The following SAMMSON variants were observed in gnomAD, a reference collection of about 807,000 sequenced individuals.
SAMMSON encodes long intergenic non-protein coding RNA 1212.
intron 9 of SAMMSON, among the ~76,000 whole-genome samples, chr3:70,377,066 T>C (rs1703023480): frequency 1.3e-5 from 2 of 152,086 alleles, no homozygotes; most frequent in Admixed American, 1.3e-4. Context: ...TGCCCATCAC[T>C]CAAAACAATA....
intron 4 of SAMMSON, among the ~76,000 whole-genome samples, chr3:70,174,448 A>G (rs1285566805): frequency 6.6e-6 from 1 of 152,016 alleles, no homozygotes; most frequent in African/African-American, 2.4e-5. Flanking sequence ...TAGAATGTGC[A>G]TCATCAAACC....
chr3:70,050,884 G>A (rs990088137), intron 3 of SAMMSON, among the ~76,000 whole-genome samples: 4 of 151,872 alleles, frequency 2.6e-5, no homozygotes, highest in South Asian at 4.2e-4. Context: ...ACCTGTAATC[G>A]CAACACTTTG....
chr3:70,102,926 A>G (rs994554088), intron 4 of SAMMSON, among the ~76,000 whole-genome samples: 5 of 152,190 alleles, frequency 3.3e-5, no homozygotes, highest in African/African-American at 1.2e-4. Flanking sequence ...TGGTGTGATT[A>G]AAGGGAAGCA....
At chr3:70,041,949 A>G (rs1220847750) in intron 3 of SAMMSON, among the ~76,000 whole-genome samples, 2 of 152,196 alleles carry the variant, frequency 1.3e-5, no homozygotes, top group East Asian at 3.9e-4. Flanking sequence ...GAAATAGAGC[A>G]ATCTACAGGT....
intron 4 of SAMMSON, among the ~76,000 whole-genome samples, chr3:70,186,337 C>A (rs142016106): frequency 6.6e-6 from 1 of 151,788 alleles, no homozygotes; most frequent in African/African-American, 2.4e-5. Context: ...TGGCTCACTG[C>A]AGCCTTGATG....
chr3:70,298,657 G>C (rs898145133), intron 7 of SAMMSON, among the ~76,000 whole-genome samples: 1 of 152,094 alleles, frequency 6.6e-6, no homozygotes, highest in Non-Finnish European at 1.5e-5. Flanking sequence ...AACTGAATGA[G>C]TAATAGGTTT....
intron 4 of SAMMSON, among the ~76,000 whole-genome samples, chr3:70,144,204 T>G (rs2067539111): frequency 6.6e-6 from 1 of 152,140 alleles, no homozygotes; most frequent in African/African-American, 2.4e-5. Flanking sequence ...ATGCATTATT[T>G]ATTAATAAGG....
intron 7 of SAMMSON, among the ~76,000 whole-genome samples, chr3:70,341,387 A>AC (rs1407459807): frequency 6.6e-6 from 1 of 151,916 alleles, no homozygotes; most frequent in Non-Finnish European, 1.5e-5. Flanking sequence ...ACCAATCAAA[A>AC]CCCTGATTTT....
intron 4 of SAMMSON, among the ~76,000 whole-genome samples, chr3:70,163,359 A>G (rs1416925447): frequency 6.9e-6 from 1 of 144,652 alleles, no homozygotes; most frequent in Non-Finnish European, 1.5e-5. Flanking sequence ...ATATATAGAG[A>G]GAGAGAGAGA....
chr3:70,278,493 AT>A (rs907289919), intron 6 of SAMMSON, among the ~76,000 whole-genome samples: 25 of 152,316 alleles, frequency 1.6e-4, no homozygotes, highest in Middle Eastern at 3.4e-3. Context: ...GTTTTCCAGA[AT>A]GGTCCCAATT....
chr3:70,320,831 T>C (rs1464672877), intron 7 of SAMMSON, among the ~76,000 whole-genome samples: 2 of 152,060 alleles, frequency 1.3e-5, no homozygotes, highest in Non-Finnish European at 2.9e-5. Flanking sequence ...GGGCGGCCTG[T>C]TTGGAATGCG....
chr3:70,286,887 T>C (rs144113115), intron 6 of SAMMSON, among the ~76,000 whole-genome samples: 1 of 151,936 alleles, frequency 6.6e-6, no homozygotes, highest in Non-Finnish European at 1.5e-5. Context: ...AGAATGCTTG[T>C]GATTTTTGTA....
intron 4 of SAMMSON, among the ~76,000 whole-genome samples, chr3:70,228,077 G>C (rs1182087057): frequency 1.3e-5 from 2 of 151,698 alleles, no homozygotes; most frequent in African/African-American, 4.8e-5. Context: ...AGATTGAATA[G>C]GTCACTACTA....
chr3:70,296,933 G>A (rs1006150234), intron 7 of SAMMSON, among the ~76,000 whole-genome samples: 1 of 151,804 alleles, frequency 6.6e-6, no homozygotes, highest in African/African-American at 2.4e-5. Context: ...AATCCAGTGT[G>A]ATCTGCCTCT....
At chr3:70,315,796 C>T (rs931901581) in intron 7 of SAMMSON, among the ~76,000 whole-genome samples, 2 of 151,914 alleles carry the variant, frequency 1.3e-5, no homozygotes, top group Non-Finnish European at 2.9e-5. Context: ...ACTGGGAAAC[C>T]ACAGAGACCC....
intron 4 of SAMMSON, among the ~76,000 whole-genome samples, chr3:70,202,916 C>A (rs1417944194): frequency 6.6e-6 from 1 of 152,070 alleles, no homozygotes; most frequent in Non-Finnish European, 1.5e-5. Flanking sequence ...GGAGGTTCCA[C>A]AAGTGTGTTT....
chr3:70,046,555 C>A (rs1334375111), intron 3 of SAMMSON, among the ~76,000 whole-genome samples: 1 of 151,896 alleles, frequency 6.6e-6, no homozygotes, highest in Non-Finnish European at 1.5e-5. Flanking sequence ...TAATACTTAC[C>A]TTGAAATACT....
At chr3:70,018,485 G>GT (rs1448295330) in intron 3 of SAMMSON, among the ~76,000 whole-genome samples, 3 of 151,936 alleles carry the variant, frequency 2.0e-5, no homozygotes, top group Non-Finnish European at 4.4e-5. Flanking sequence ...TTCTTTATTA[G>GT]TCTTGCTAGC....
chr3:70,417,227 G>C (rs1235777669), intron 2 of SAMMSON, among the ~76,000 whole-genome samples: 1 of 152,072 alleles, frequency 6.6e-6, no homozygotes, highest in Non-Finnish European at 1.5e-5. Flanking sequence ...CATTAGGTTT[G>C]GTCAGCCTAC....
Sources: allele counts gnomAD v4.1 joint callset (sites outside exome capture counted in the v4.1 genomes callset), GRCh38; gene constraint gnomAD v4.1.1; transcripts MANE v1.5; gene names NCBI Gene and HGNC (gene_info 2026-07-23, HGNC 2026-07-21).